Variants in FREM3 observed in about 807,000 individuals in gnomAD.
FREM3 encodes FRAS1 related extracellular matrix 3, also known as FRAS1-related extracellular matrix protein 3.
In FREM3, 105 loss-of-function variants were observed where a neutral mutation model predicts 129.1. The observed-to-expected ratio is 0.81, with a 90% confidence interval of 0.69 to 0.96. The LOEUF is 0.96. Ranked by LOEUF, FREM3 falls within the 40% of genes least tolerant of loss-of-function variation. The pLI is 0.00. For synonymous variants in FREM3, 1,014 were observed against 1,044.9 expected (o/e 0.97, Z 0.57); for missense variants, 2,593 against 2,666.3 (o/e 0.97, Z 0.61).
At chr4:143,682,515 C>T (rs1257481663) in intron 2 of FREM3, among the ~76,000 whole-genome samples, 1 of 152,164 alleles carries the variant, frequency 6.6e-6, no homozygotes, top group Non-Finnish European at 1.5e-5. Context: ...ATTCTGTATC[C>T]GGGCCCTTGA....
chr4:143,655,092 G>A (rs1203398206), intron 2 of FREM3, among the ~76,000 whole-genome samples: 2 of 152,110 alleles, frequency 1.3e-5, no homozygotes, highest in African/African-American at 4.8e-5. Flanking sequence ...GTGCAAGGCA[G>A]CAGAAAGGAT....
In FREM3 at chr4:143,697,926, A is replaced by T; in HGVS notation, c.2750T>A (p.Leu917Gln). 11 of 1,537,928 alleles carry T rather than the reference A, an allele frequency of 7.2e-6. No individual in the cohort carries two copies. Among genetic ancestry groups the T allele is most frequent in the Non-Finnish European group, 9.6e-6 (11 of 1,147,054 alleles). ...DQTTTSDTFH[L>Q]EVSDGVHHIP... is the part of the protein sequence containing the mutation. Reference sequence around the variant, plus strand: ...ATGGTGCACCCCATCACTTACTTCCAGATGGAAAGTGTCACTGGTAGTCGT... The same window carrying T: ...ATGGTGCACCCCATCACTTACTTCCTGATGGAAAGTGTCACTGGTAGTCGT... Residue 917 changes from leucine (L) to glutamine (Q), a missense_variant, in exon 1 of 8, where the codon CTG becomes CAG. Leu to Gln is a moderately radical substitution (Grantham distance 113). Around this residue, in one of 2 missense-constraint regions of FREM3, gnomAD observed 2,276 missense variants for 2,267.2 expected, o/e 1.00. Transcript: ENST00000329798.
At chr4:143,620,809 C>A (rs1047632557) in intron 5 of FREM3, among the ~76,000 whole-genome samples, 1 of 152,110 alleles carries the variant, frequency 6.6e-6, no homozygotes, top group African/African-American at 2.4e-5. Context: ...ATATTTTAAT[C>A]CCAATTTTGA....
chr4:143,608,539 A>G (rs945920839), intron 6 of FREM3, among the ~76,000 whole-genome samples: 52 of 152,328 alleles, frequency 3.4e-4, no homozygotes, highest in African/African-American at 1.2e-3. Context: ...GAAAACATAC[A>G]TCTTATTGAG....
At chr4:143,666,412 G>T (rs1578859745) in intron 2 of FREM3, among the ~76,000 whole-genome samples, 1 of 152,100 alleles carries the variant, frequency 6.6e-6, no homozygotes, top group African/African-American at 2.4e-5. Flanking sequence ...TGAAATCAGA[G>T]ACTCAAAGAT....
chr4:143,618,022 A>T (rs150455266), intron 5 of FREM3, among the ~76,000 whole-genome samples: 1 of 152,236 alleles, frequency 6.6e-6, no homozygotes, highest in Non-Finnish European at 1.5e-5. Context: ...AATGAAAGAG[A>T]TGAGATGGTA....
chr4:143,626,573 G>A (rs1007069843), intron 3 of FREM3, among the ~76,000 whole-genome samples: 5 of 152,130 alleles, frequency 3.3e-5, no homozygotes, highest in Non-Finnish European at 7.4e-5. Flanking sequence ...TGGAAGTAGG[G>A]CCTGACAAGA....
At chr4:143,684,040 C>T (rs1219055656) in intron 2 of FREM3, among the ~76,000 whole-genome samples, 2 of 152,110 alleles carry the variant, frequency 1.3e-5, no homozygotes, top group African/African-American at 4.8e-5. Context: ...CACACCTAGC[C>T]CCTCCCTCAC....
intron 1 of FREM3, 22 bp downstream of exon 1, chr4:143,695,469 G>T (rs1740547057): frequency 6.6e-7 from 1 of 1,515,568 alleles, no homozygotes; most frequent in South Asian, 1.2e-5. Flanking sequence ...GACAGAATAG[G>T]CAGGGAAGAA....
intron 6 of FREM3, among the ~76,000 whole-genome samples, chr4:143,590,027 A>T (rs1202682147): frequency 8.6e-5 from 13 of 151,960 alleles, no homozygotes; most frequent in Non-Finnish European, 1.9e-4. Flanking sequence ...TTCACTCATG[A>T]TTTGGCTCTC....
At chr4:143,583,282 C>CAA (rs954023866) in intron 7 of FREM3, among the ~76,000 whole-genome samples, 3 of 152,248 alleles carry the variant, frequency 2.0e-5, no homozygotes, top group Admixed American at 2.0e-4. Flanking sequence ...AAAGAATGTG[C>CAA]AAAACTTCTT....
intron 2 of FREM3, among the ~76,000 whole-genome samples, chr4:143,660,880 C>G (rs1259193692): frequency 6.6e-6 from 1 of 152,158 alleles, no homozygotes; most frequent in African/African-American, 2.4e-5. Flanking sequence ...ATTTGGCTCT[C>G]TGTTTGTCTG....
At chr4:143,684,947 C>CAACA (rs58630726) in intron 2 of FREM3, among the ~76,000 whole-genome samples, 11,045 of 151,802 alleles carry the variant, frequency 0.073, 1,069 homozygotes, top group African/African-American at 0.21. Flanking sequence ...TAACCCAATC[C>CAACA]AAGAAAGAAA....
intron 2 of FREM3, among the ~76,000 whole-genome samples, chr4:143,687,226 T>C (rs1740386681): frequency 2.6e-5 from 4 of 152,012 alleles, no homozygotes; most frequent in African/African-American, 2.4e-5. Flanking sequence ...ACACCTTTAC[T>C]CACGTAACTA....
At chr4:143,692,333 A>G (rs1019754142) in intron 2 of FREM3, among the ~76,000 whole-genome samples, 1 of 152,196 alleles carries the variant, frequency 6.6e-6, no homozygotes, top group African/African-American at 2.4e-5. Context: ...CTACTTTACA[A>G]TAAATTCAGT....
intron 2 of FREM3, among the ~76,000 whole-genome samples, chr4:143,628,963 G>A (rs1451765485): frequency 6.6e-6 from 1 of 152,094 alleles, no homozygotes; most frequent in East Asian, 1.9e-4. Flanking sequence ...ACTAGAGGTG[G>A]GTCATCTGTC....
chr4:143,644,830 T>A (rs566294500), intron 2 of FREM3, among the ~76,000 whole-genome samples: 1 of 152,290 alleles, frequency 6.6e-6, no homozygotes, highest in Admixed American at 6.5e-5. Context: ...CCATAGAGGT[T>A]CCATAGTTAT....
intron 7 of FREM3, among the ~76,000 whole-genome samples, chr4:143,584,654 G>A (rs558141432): frequency 2.0e-4 from 31 of 152,242 alleles, no homozygotes; most frequent in African/African-American, 7.2e-4. Context: ...CCTATGAAGA[G>A]ACTTAGATAA....
intron 6 of FREM3, among the ~76,000 whole-genome samples, chr4:143,609,373 T>C (rs1352241682): frequency 6.6e-6 from 1 of 152,238 alleles, no homozygotes; most frequent in Admixed American, 6.5e-5. Context: ...TTTGAAGCTA[T>C]GTGTTTACAA....
Sources: allele counts gnomAD v4.1 joint callset (sites outside exome capture counted in the v4.1 genomes callset), GRCh38; gene constraint gnomAD v4.1.1; regional missense constraint gnomAD v4.1.1; transcripts MANE v1.5; gene names NCBI Gene and HGNC (gene_info 2026-07-23, HGNC 2026-07-21).